TMEM59: variants seen among roughly 807,000 people sequenced by gnomAD.
TMEM59 encodes the protein transmembrane protein 59, also known as dendritic cell factor 1.
A neutral mutation model predicts 42.2 loss-of-function variants in TMEM59; 44 were observed. The observed-to-expected ratio is 1.04, with a 90% CI of 0.82 to 1.34. The LOEUF is 1.34. TMEM59 is among the 40% of genes most tolerant of loss of function. TMEM59 has a pLI of 0.00. For missense variants in TMEM59, 359 were observed against 382.8 expected (o/e 0.94, Z 0.52); for synonymous variants, 148 against 145.8 (o/e 1.02, Z -0.11).
upstream of TMEM59, chr1:54,053,272 T>G: frequency 6.6e-7 from 1 of 1,515,290 alleles, no homozygotes; most frequent in East Asian, 2.3e-5. Flanking sequence ...AGCCCCCTTC[T>G]CCGCCCCACC....
At position 54,028,489 on chromosome 1, in the gene TMEM59, G is replaced by A. The variant is rs1656669675; in HGVS notation, c.*3661C>T. The A allele has an allele frequency of 6.6e-6, 1 of 152,194 alleles. No homozygotes were observed. The highest frequency in any genetic ancestry group is 2.4e-5 in the African/African-American group (1 of 41,418). 9.4% of individuals were successfully genotyped at this position (152,194 alleles called of 1,614,324 possible). ...GCTCAGGATCAAGTGCAGGTTTAAAGTGCAGGTTTATTACCTGGTCTGCCT... is the reference window on the plus strand; with the variant it reads ...GCTCAGGATCAAGTGCAGGTTTAAAATGCAGGTTTATTACCTGGTCTGCCT... On this transcript the variant is annotated 3_prime_UTR_variant, in exon 8 of 8. Transcript: ENST00000234831.
intron 7 of TMEM59, chr1:54,033,070 G>C (rs1557672451): frequency 1.3e-5 from 2 of 151,742 alleles, no homozygotes; most frequent in Non-Finnish European, 2.9e-5. Context: ...TAGGACTATA[G>C]GCATGCACCA....
chr1:54,047,915 C>T (rs1279081794), intron 1 of TMEM59: 1 of 154,618 alleles, frequency 6.5e-6, no homozygotes, highest in African/African-American at 2.4e-5. Flanking sequence ...GTACAGTGAG[C>T]TATAATCACA....
rs1483237082 is a variant in TMEM59 at position 54,028,994 on chromosome 1, A to G, written c.*3156T>C. The G allele has an allele frequency of 6.6e-6, 1 of 152,198 alleles. No individual in the cohort carries two copies. Among genetic ancestry groups the G allele is most frequent in the African/African-American group, 2.4e-5 (1 of 41,452 alleles). 9.4% of individuals were successfully genotyped at this position (152,198 alleles called of 1,614,324 possible). On this transcript the variant is annotated 3_prime_UTR_variant, in exon 8 of 8. Transcript: ENST00000234831. Reference sequence around the variant, plus strand: ...CAATGATTCCCTACATGTGGACTTGATATTTGAGTCCACAAAAATTATAAT... The same window carrying G: ...CAATGATTCCCTACATGTGGACTTGGTATTTGAGTCCACAAAAATTATAAT...
chr1:54,051,250 T>C (rs554080855), intron 1 of TMEM59, among the ~76,000 whole-genome samples: 6 of 152,322 alleles, frequency 3.9e-5, no homozygotes, highest in African/African-American at 1.4e-4. Context: ...TATGTGACCT[T>C]AGGCAAGTCA....
intron 2 of TMEM59, among the ~76,000 whole-genome samples, chr1:54,046,090 A>G (rs900631486): frequency 3.3e-5 from 5 of 152,208 alleles, no homozygotes; most frequent in African/African-American, 1.2e-4. Context: ...GGCATCCTGA[A>G]GATGCCACTC....
intron 1 of TMEM59, among the ~76,000 whole-genome samples, chr1:54,052,571 G>A (rs1404819735): frequency 6.6e-6 from 1 of 152,144 alleles, no homozygotes; most frequent in African/African-American, 2.4e-5. Flanking sequence ...TCCTGGCCCC[G>A]AGAGGCGCTT....
At chr1:54,035,573 T>C (rs1312739440) in intron 7 of TMEM59, among the ~76,000 whole-genome samples, 1 of 152,134 alleles carries the variant, frequency 6.6e-6, no homozygotes, top group Non-Finnish European at 1.5e-5. Flanking sequence ...TGGGGTTAGA[T>C]ACCAGAATAT....
chr1:54,036,645 C>G lies in TMEM59; in HGVS notation c.781G>C (p.Val261Leu), dbSNP rs1656960771. 1 of 1,609,604 alleles carries G rather than the reference C, an allele frequency of 6.2e-7. No homozygotes were observed. Among genetic ancestry groups the G allele is most frequent in the African/African-American group, 1.3e-5 (1 of 74,576 alleles). ...ACATACTGCTCCACAGCTGTAGCAA[C>G]AGTTGCACAACAAATCCAAAGCAAT... The part of the protein sequence containing the change: ...MVLLWICCAT[V>L]ATAVEQYVPS... Residue 261 changes from valine to leucine, a missense_variant, in exon 7 of 8, where the codon GTT becomes CTT. Transcript: ENST00000234831.
intron 7 of TMEM59, among the ~76,000 whole-genome samples, chr1:54,036,009 T>C (rs541222389): frequency 6.6e-6 from 1 of 152,242 alleles, no homozygotes; most frequent in Admixed American, 6.5e-5. Context: ...TCTGGCTGGG[T>C]ATGGTGGCTC....
At chr1:54,032,607 C>T (rs1656800496) in intron 7 of TMEM59, among the ~76,000 whole-genome samples, 1 of 152,188 alleles carries the variant, frequency 6.6e-6, no homozygotes, top group Non-Finnish European at 1.5e-5. Context: ...GCTCTCCTAC[C>T]AAGTGGTAAA....
rs967045180 is a variant in TMEM59, at chr1:54,029,473, A to G, written c.*2677T>C. 2 of 152,186 alleles carry G rather than the reference A, an allele frequency of 1.3e-5. No individual in the cohort carries two copies. Among genetic ancestry groups the G allele is most frequent in the African/African-American group, 2.4e-5 (1 of 41,446 alleles). The allele number at this position is 152,186 out of a possible 1,614,324, so 9.4% of individuals were successfully genotyped here. On this transcript the variant is annotated 3_prime_UTR_variant, in exon 8 of 8. Transcript: ENST00000234831. ...CTAGGACCAAGACCAGATTCTCAAG[A>G]TGCTTTCTGTGTGGTAGGAAATAAG... is the stretch of plus-strand genomic sequence containing the variant.
At chr1:54,039,303 T>A (rs1186827161) in intron 6 of TMEM59, among the ~76,000 whole-genome samples, 1 of 152,130 alleles carries the variant, frequency 6.6e-6, no homozygotes, top group East Asian at 1.9e-4. Context: ...ACATAACATA[T>A]AATGACAAAA....
rs746777136 is a variant in TMEM59, at chr1:54,032,053, A to G, written c.*97T>C. On this transcript the variant is annotated 3_prime_UTR_variant, in exon 8 of 8. Coordinates refer to ENST00000234831, the MANE Select transcript of TMEM59 (RefSeq NM_004872.5). ...GTAACTTTATTTGCATTTTATAGTG[A>G]TTTCTTAAGGCCTATATCCAATGAA... 2.9e-4 allele frequency: 323 copies of G among 1,115,390 alleles called. 1 individual carries two copies. Among genetic ancestry groups the G allele is most frequent in the Middle Eastern group, 3.2e-4 (1 of 3,104 alleles). 69.1% of individuals were successfully genotyped at this position (1,115,390 alleles called of 1,614,324 possible). A position where few individuals can be genotyped will look rare whatever the true frequency, so the allele number is the denominator to read the frequency against.
Position 54,047,580 on chromosome 1 carries a change from G to A in TMEM59, c.190-208C>T, listed in dbSNP as rs182872483. ...TAGTTCCTTATTTTAAAAGTGATAC[G>A]AAGAAAAAAGCCTAGTAGGTAAAAC... On this transcript the variant is annotated intron_variant, in intron 1 of 7. Coordinates refer to ENST00000234831, the MANE Select transcript of TMEM59 (RefSeq NM_004872.5). 5.3e-5 allele frequency: 25 copies of A among 469,866 alleles called. 1 individual carries two copies. The East Asian group carries it at 9.3e-4, about 18-fold the overall frequency. 29.1% of individuals were successfully genotyped at this position (469,866 alleles called of 1,614,324 possible).
At chr1:54,051,471 G>A (rs1345626553) in intron 1 of TMEM59, among the ~76,000 whole-genome samples, 1 of 152,172 alleles carries the variant, frequency 6.6e-6, no homozygotes, top group African/African-American at 2.4e-5. Context: ...ATAGTTTATA[G>A]ATATAACACC....
intron 1 of TMEM59, 138 bp downstream of exon 1, chr1:54,052,862 A>G (rs977154160): frequency 2.0e-6 from 2 of 981,334 alleles, no homozygotes; most frequent in African/African-American, 3.3e-5. Flanking sequence ...ATTAGGGAGG[A>G]AAACAGGAGC....
chr1:54,043,893 C>T (rs1364498792), intron 3 of TMEM59: 1 of 152,238 alleles, frequency 6.6e-6, no homozygotes, highest in Non-Finnish European at 1.5e-5. Context: ...ATCTTTAATG[C>T]TTTCATCAAG....
At position 54,043,375 on chromosome 1, in the gene TMEM59, G is replaced by A; in HGVS notation, c.541C>T (p.Gln181Ter). 6.5e-7 allele frequency: 1 copy of A among 1,537,592 alleles called. No homozygotes were observed. The highest frequency in any genetic ancestry group is 8.7e-7 in the Non-Finnish European group (1 of 1,144,800). The change falls in exon 4 of 8, where the codon CAG becomes TAG. Residue 181 changes from glutamine (Q) to a stop codon, truncating the protein, a stop_gained and splice_region_variant. Coordinates refer to ENST00000234831, the MANE Select transcript of TMEM59 (RefSeq NM_004872.5). LOFTEE classifies it high-confidence loss of function. ...AATCCATGAAGCTCAGTTGTCACCT[G>A]GAATATAACTATTTTTCCGTCATCG... Reference protein sequence around the residue: ...QADDGKIVIFQSKPEIQYAPH... With the variant: ...QADDGKIVIF
Sources: gnomAD v4.1 joint callset for allele counts (sites outside exome capture counted in the v4.1 genomes callset) on GRCh38, gnomAD v4.1.1 for gene constraint, MANE v1.5 for transcripts, NCBI Gene and HGNC (gene_info 2026-07-23, HGNC 2026-07-21) for gene names.